Variants in SNTG2 observed in about 807,000 individuals in gnomAD.
SNTG2 encodes gamma-2-syntrophin.
SNTG2 carries 74 observed loss-of-function variants against 70.9 expected under a neutral mutation model. The ratio of observed to expected loss-of-function variants is 1.04; its 90% CI spans 0.86 to 1.27. The LOEUF is 1.27. Among genes scored for constraint, SNTG2 ranks in the 50% most tolerant of loss-of-function variants. The pLI, the probability that SNTG2 is intolerant of heterozygous loss-of-function variation, is 0.00. For synonymous variants in SNTG2, 278 were observed against 273.8 expected (o/e 1.02, Z -0.15); for missense variants, 717 against 690.7 (o/e 1.04, Z -0.43).
chr2:1,195,161 T>C (rs1174488208), intron 8 of SNTG2, among the ~76,000 whole-genome samples: 1 of 152,236 alleles, frequency 6.6e-6, no homozygotes, highest in African/African-American at 2.4e-5. Flanking sequence ...AAGTCTTTGC[T>C]ATTGTGAACA....
intron 15 of SNTG2, 115 bp downstream of exon 15, chr2:1,308,701 A>G (rs1680827031): frequency 1.2e-6 from 1 of 865,428 alleles, no homozygotes; most frequent in African/African-American, 1.7e-5. Flanking sequence ...TGGATTGTGT[A>G]TCGTGCAGAG....
intron 6 of SNTG2, 131 bp from the exon 7 acceptor site, chr2:1,165,417 T>C: frequency 3.5e-6 from 3 of 859,052 alleles, no homozygotes; most frequent in Middle Eastern, 6.2e-4. Flanking sequence ...CCCACAAAGT[T>C]TTCCGTGTTT....
At chr2:1,046,676 T>G (rs1661754677) in intron 1 of SNTG2, among the ~76,000 whole-genome samples, 1 of 152,202 alleles carries the variant, frequency 6.6e-6, no homozygotes, top group Non-Finnish European at 1.5e-5. Context: ...CGATGTTGAA[T>G]ATAGGTCTCC....
intron 7 of SNTG2, among the ~76,000 whole-genome samples, chr2:1,168,266 G>A (rs900178586): frequency 6.8e-6 from 1 of 147,614 alleles, no homozygotes; most frequent in Non-Finnish European, 1.5e-5. Context: ...GCCCACAGAC[G>A]GCAGAACTGA....
At chr2:1,286,024 T>C (rs1046819127) in intron 14 of SNTG2, among the ~76,000 whole-genome samples, 1 of 152,214 alleles carries the variant, frequency 6.6e-6, no homozygotes, top group Non-Finnish European at 1.5e-5. Flanking sequence ...CAGCCAACAC[T>C]GTAACTCCTC....
intron 4 of SNTG2, among the ~76,000 whole-genome samples, chr2:1,132,141 C>T (rs1043093253): frequency 7.9e-5 from 12 of 151,932 alleles, no homozygotes; most frequent in African/African-American, 2.9e-4. Flanking sequence ...AGAAATCTTT[C>T]ATTTTAAAAA....
At chr2:1,172,979 G>A in intron 7 of SNTG2, 113 bp from the exon 8 acceptor site, 1 of 882,900 alleles carries the variant, frequency 1.1e-6, no homozygotes, top group Middle Eastern at 2.3e-4. Context: ...TGGACACCAG[G>A]CATTTTGGTG....
At chr2:963,520 G>C (rs1427932478) in intron 1 of SNTG2, among the ~76,000 whole-genome samples, 1 of 152,134 alleles carries the variant, frequency 6.6e-6, no homozygotes, top group Non-Finnish European at 1.5e-5. Flanking sequence ...TGGTATACGT[G>C]TACCCAAAAT....
chr2:976,193 T>C (rs568471706), intron 1 of SNTG2, among the ~76,000 whole-genome samples: 1 of 152,240 alleles, frequency 6.6e-6, no homozygotes, highest in Non-Finnish European at 1.5e-5. Context: ...GCAATTCATA[T>C]TCAAGGTAAA....
At chr2:961,443 A>G (rs1278386848) in intron 1 of SNTG2, among the ~76,000 whole-genome samples, 3 of 152,184 alleles carry the variant, frequency 2.0e-5, no homozygotes, top group African/African-American at 7.2e-5. Context: ...CTTTTCTATA[A>G]CGTAGCATCT....
chr2:1,173,332 G>A (rs1400003478), intron 8 of SNTG2, 149 bp downstream of exon 8: 1 of 768,394 alleles, frequency 1.3e-6, no homozygotes, highest in African/African-American at 1.8e-5. Flanking sequence ...ACAGATTGAA[G>A]GTGCTGTTCT....
In SNTG2 at chr2:1,137,723, TAATC is replaced by T. The variant is rs527614850; in HGVS notation, c.370-40_370-37del. The T allele has an allele frequency of 1.2e-4, 200 of 1,613,444 alleles. 1 individual carries two copies. The highest frequency in any genetic ancestry group is 7.4e-4 in the South Asian group (67 of 91,052). ...TTGCATTTTTATTTTTAACTTGTAT[TAATC>T]AATCGTTATTCTCAACATTCTTACT... On this transcript the variant is annotated intron_variant, in intron 5 of 16. Coordinates refer to ENST00000308624, the MANE Select transcript of SNTG2 (RefSeq NM_018968.4).
chr2:1,014,636 G>A (rs11680814), intron 1 of SNTG2, among the ~76,000 whole-genome samples: 444 of 67,858 alleles, frequency 6.5e-3, no homozygotes, highest in Admixed American at 0.015. Context: ...ACAGAGAGAA[G>A]GGTGGTCTGT....
chr2:1,352,434 G>A (rs1660629556), intron 16 of SNTG2, among the ~76,000 whole-genome samples: 1 of 152,172 alleles, frequency 6.6e-6, no homozygotes. Flanking sequence ...TGGGCACAGT[G>A]AGGCTGGGCC....
chr2:1,221,340 G>A (rs1174555479), intron 9 of SNTG2, among the ~76,000 whole-genome samples: 354 of 5,390 alleles, frequency 0.066, no homozygotes, highest in East Asian at 0.17. Flanking sequence ...TCTCTCTGTT[G>A]CTGTCTCTGC....
At chr2:1,157,680 A>C (rs1380099244) in intron 6 of SNTG2, among the ~76,000 whole-genome samples, 1 of 152,214 alleles carries the variant, frequency 6.6e-6, no homozygotes, top group Non-Finnish European at 1.5e-5. Flanking sequence ...AAATGAGTTA[A>C]GTCATTTTCT....
intron 1 of SNTG2, among the ~76,000 whole-genome samples, chr2:1,004,168 G>T (rs1160682938): frequency 6.6e-6 from 1 of 152,174 alleles, no homozygotes; most frequent in Non-Finnish European, 1.5e-5. Context: ...TGCCTGACAT[G>T]ACTGTCCTGT....
chr2:1,196,566 C>T (rs945866801), intron 8 of SNTG2, among the ~76,000 whole-genome samples: 3 of 152,000 alleles, frequency 2.0e-5, no homozygotes, highest in South Asian at 2.1e-4. Context: ...TCTTCTTCAT[C>T]GTATAGTATG....
At position 950,964 on chromosome 2, in the gene SNTG2, G is replaced by C. The variant is rs1659933418; in HGVS notation, c.-33G>C. 2.5e-6 allele frequency: 3 copies of C among 1,182,474 alleles called. No homozygotes were observed. Among genetic ancestry groups the C allele is most frequent in the Middle Eastern group, 3.3e-4 (1 of 3,030 alleles). The allele number at this position is 1,182,474 out of a possible 1,614,324, so 73.2% of individuals were successfully genotyped here. On this transcript the variant is annotated 5_prime_UTR_variant, in exon 1 of 17. Coordinates refer to ENST00000308624, the MANE Select transcript of SNTG2 (RefSeq NM_018968.4). ...GGGGTCCTGGCGTTGAGCTCGGCCG[G>C]CCCGGAGCGCGGACCCAGCCGCAGG...
Sources: gnomAD v4.1 joint callset for allele counts (sites outside exome capture counted in the v4.1 genomes callset) on GRCh38, gnomAD v4.1.1 for gene constraint, MANE v1.5 for transcripts, NCBI Gene and HGNC (gene_info 2026-07-23, HGNC 2026-07-21) for gene names.